GMDS: variants seen among roughly 807,000 people sequenced by gnomAD.
GMDS encodes the protein GDP-mannose 4,6 dehydratase.
In GMDS, 20 loss-of-function variants were observed where a neutral mutation model predicts 49.9. That is an observed-to-expected ratio of 0.40 (90% CI 0.28 to 0.58). GMDS has a LOEUF of 0.58. Among genes scored for constraint, GMDS ranks in the 20% least tolerant of loss-of-function variants. GMDS has a pLI of 0.42. For missense variants in GMDS, 362 were observed against 481.4 expected, an observed-to-expected ratio of 0.75 and a Z score of 2.32; for synonymous variants, 177 against 178.6, an observed-to-expected ratio of 0.99 and a Z score of 0.07.
At chr6:1,717,410 T>C (rs1431781082) in intron 9 of GMDS, 1 of 152,234 alleles carries the variant, frequency 6.6e-6, no homozygotes, top group Admixed American at 6.5e-5. Context: ...ATGTCTTCCT[T>C]GGTGGCTGCT....
At chr6:1,634,196 CTGAAAGACA>C (rs1177859884) in intron 9 of GMDS, among the ~76,000 whole-genome samples, 3 of 152,184 alleles carry the variant, frequency 2.0e-5, no homozygotes, top group African/African-American at 7.2e-5. Context: ...CCAGCTGGCC[CTGAAAGACA>C]TGGAGACTAG....
chr6:1,962,755 A>G (rs774023241), intron 4 of GMDS, among the ~76,000 whole-genome samples: 41 of 152,164 alleles, frequency 2.7e-4, no homozygotes, highest in Middle Eastern at 3.4e-3. Flanking sequence ...AAAAGTTTAT[A>G]TATATATACA....
At chr6:2,089,608 G>A (rs959543652) in intron 4 of GMDS, among the ~76,000 whole-genome samples, 1 of 152,116 alleles carries the variant, frequency 6.6e-6, no homozygotes, top group Non-Finnish European at 1.5e-5. Context: ...TGAGTGCCTG[G>A]TTATTTTTTA....
intron 1 of GMDS, among the ~76,000 whole-genome samples, chr6:2,134,106 G>T (rs1775874861): frequency 6.6e-6 from 1 of 152,206 alleles, no homozygotes; most frequent in Non-Finnish European, 1.5e-5. Flanking sequence ...TCATGCTTGT[G>T]CAGCTGTCTT....
At chr6:1,747,169 G>A (rs1767531198) in intron 7 of GMDS, among the ~76,000 whole-genome samples, 1 of 152,046 alleles carries the variant, frequency 6.6e-6, no homozygotes, top group African/African-American at 2.4e-5. Flanking sequence ...ACCAATGAAG[G>A]AGAACACTCA....
chr6:1,913,303 C>T (rs1308071600), intron 7 of GMDS, among the ~76,000 whole-genome samples: 2 of 148,162 alleles, frequency 1.3e-5, no homozygotes, highest in Non-Finnish European at 3.0e-5. Flanking sequence ...ATGGCGTGAA[C>T]CCGGGAGGCG....
At chr6:2,129,368 A>C (rs922347884) in intron 1 of GMDS, among the ~76,000 whole-genome samples, 3 of 152,196 alleles carry the variant, frequency 2.0e-5, no homozygotes, top group African/African-American at 7.2e-5. Context: ...CAGATGAATA[A>C]GTAGCCCAGA....
intron 1 of GMDS, among the ~76,000 whole-genome samples, chr6:2,185,942 A>G (rs1331633804): frequency 2.6e-5 from 4 of 152,230 alleles, no homozygotes; most frequent in African/African-American, 9.6e-5. Flanking sequence ...CATTTTACAA[A>G]TGAGAAAACT....
chr6:1,905,009 T>C (rs1412080364), intron 7 of GMDS, among the ~76,000 whole-genome samples: 3 of 152,138 alleles, frequency 2.0e-5, no homozygotes, highest in Non-Finnish European at 4.4e-5. Flanking sequence ...GCAGAAAAGA[T>C]GGATAGAGGT....
intron 1 of GMDS, among the ~76,000 whole-genome samples, chr6:2,161,943 C>T (rs936418468): frequency 2.6e-5 from 4 of 152,158 alleles, no homozygotes; most frequent in South Asian, 4.1e-4. Context: ...GATCTTGCCA[C>T]AGATAAGCTA....
chr6:1,736,995 G>T (rs1157000457), intron 8 of GMDS, among the ~76,000 whole-genome samples: 1 of 152,150 alleles, frequency 6.6e-6, no homozygotes, highest in East Asian at 1.9e-4. Context: ...GGCCTCCAGA[G>T]GCTTCATGAA....
intron 4 of GMDS, among the ~76,000 whole-genome samples, chr6:1,965,671 A>G (rs1186947609): frequency 2.6e-5 from 4 of 152,074 alleles, no homozygotes; most frequent in African/African-American, 9.7e-5. Context: ...AAAAAAATTA[A>G]AAGTAAAAAA....
intron 7 of GMDS, among the ~76,000 whole-genome samples, chr6:1,758,935 A>G (rs1298777755): frequency 1.3e-5 from 2 of 152,154 alleles, no homozygotes; most frequent in Non-Finnish European, 1.5e-5. Context: ...TGTATTTATT[A>G]TTTTTGACAC....
intron 9 of GMDS, among the ~76,000 whole-genome samples, chr6:1,694,827 C>T (rs1222807306): frequency 6.6e-6 from 1 of 152,144 alleles, no homozygotes; most frequent in East Asian, 1.9e-4. Flanking sequence ...CTAGGACATA[C>T]ACCTGTCCAA....
At chr6:1,841,196 A>T (rs895100258) in intron 7 of GMDS, among the ~76,000 whole-genome samples, 1 of 152,204 alleles carries the variant, frequency 6.6e-6, no homozygotes, top group Non-Finnish European at 1.5e-5. Context: ...AAGGAGTGCT[A>T]AAGTGCTGGA....
At chr6:1,748,387 C>T (rs547764711) in intron 7 of GMDS, among the ~76,000 whole-genome samples, 43 of 152,166 alleles carry the variant, frequency 2.8e-4, no homozygotes, top group Non-Finnish European at 5.1e-4. Flanking sequence ...CTATCACCTC[C>T]GAGCTAATCA....
intron 7 of GMDS, among the ~76,000 whole-genome samples, chr6:1,871,627 G>A (rs1013762296): frequency 3.3e-5 from 5 of 152,070 alleles, no homozygotes; most frequent in African/African-American, 4.8e-5. Flanking sequence ...ATAGAAAAAC[G>A]TAATGATCCT....
At position 2,122,438 on chromosome 6, in the gene GMDS, C is replaced by T. The variant is rs758739758; in HGVS notation, c.147+2249G>A. Among the ~76,000 whole-genome samples, 16 of 152,280 alleles carry T rather than the reference C, an allele frequency of 1.1e-4. 1 individual carries two copies. The highest frequency in any genetic ancestry group is 6.5e-4 in the Admixed American group (10 of 15,294). On this transcript the variant is annotated intron_variant, in intron 2 of 10. Transcript: ENST00000380815. ...CACTGCCCCCCACCCCGAGTTCACA[C>T]GTAATAAAATACGTCCCTCTCTCAT...
chr6:1,626,550 G>A (rs1036452046), intron 9 of GMDS, among the ~76,000 whole-genome samples: 1 of 152,172 alleles, frequency 6.6e-6, no homozygotes, highest in Non-Finnish European at 1.5e-5. Context: ...TTCCCCAGAG[G>A]AAGCTGTGCA....
Sources: allele counts gnomAD v4.1 joint callset (sites outside exome capture counted in the v4.1 genomes callset), GRCh38; gene constraint gnomAD v4.1.1; transcripts MANE v1.5; gene names NCBI Gene and HGNC (gene_info 2026-07-23, HGNC 2026-07-21).